AMD1: variants seen among roughly 807,000 people sequenced by gnomAD.
The protein encoded by AMD1 is adenosylmethionine decarboxylase 1.
A neutral mutation model predicts 40.2 loss-of-function variants in AMD1; 11 were observed. The observed-to-expected ratio is 0.27, with a 90% confidence interval of 0.17 to 0.45. AMD1 has a LOEUF of 0.45. Among genes scored for constraint, AMD1 ranks in the 20% least tolerant of loss-of-function variants. AMD1 has a pLI of 1.00. For synonymous variants in AMD1, 121 were observed against 130.8 expected (o/e 0.93, Z 0.51); for missense variants, 257 against 410.2 (o/e 0.63, Z 3.23).
chr6:110,886,467 G>A (rs948966824), intron 1 of AMD1, among the ~76,000 whole-genome samples: 9 of 152,004 alleles, frequency 5.9e-5, no homozygotes, highest in South Asian at 2.1e-4. Context: ...CACCACGCCC[G>A]GCTAATTTTT....
At chr6:110,868,804 C>T in the AMD1 span, among the ~76,000 whole-genome samples, 1 of 151,988 alleles carries the variant, frequency 6.6e-6, no homozygotes, top group Non-Finnish European at 1.5e-5. Context: ...ACCTGTAATC[C>T]CAGCACTTTG....
the AMD1 span, among the ~76,000 whole-genome samples, chr6:110,865,360 CAAAA>C: frequency 6.6e-6 from 1 of 152,162 alleles, no homozygotes; most frequent in Non-Finnish European, 1.5e-5. Context: ...ACATTTGTAG[CAAAA>C]GGGACATGGA....
At chr6:110,879,497 A>G (rs974709493) in intron 1 of AMD1, among the ~76,000 whole-genome samples, 1 of 152,226 alleles carries the variant, frequency 6.6e-6, no homozygotes, top group Non-Finnish European at 1.5e-5. Context: ...TAATAGGTTC[A>G]TATCTTTGAA....
the AMD1 span, among the ~76,000 whole-genome samples, chr6:110,867,427 G>A: frequency 6.6e-6 from 1 of 152,138 alleles, no homozygotes; most frequent in Non-Finnish European, 1.5e-5. Context: ...CACTTTGGGA[G>A]GCTGAGAGGG....
chr6:110,820,445 A>G, the AMD1 span, among the ~76,000 whole-genome samples: 3 of 151,874 alleles, frequency 2.0e-5, no homozygotes, highest in Non-Finnish European at 4.4e-5. Flanking sequence ...CATGTTCATC[A>G]GGCTGGTCTC....
At chr6:110,824,752 C>A in the AMD1 span, among the ~76,000 whole-genome samples, 1 of 151,930 alleles carries the variant, frequency 6.6e-6, no homozygotes, top group Non-Finnish European at 1.5e-5. Flanking sequence ...AAGGTAAGGG[C>A]AAAGGGCTTG....
the AMD1 span, chr6:110,858,364 C>T: frequency 3.4e-4 from 275 of 814,574 alleles, no homozygotes; most frequent in Non-Finnish European, 5.2e-4. Flanking sequence ...AGGGACTCAC[C>T]AGCCTCTCCA....
At chr6:110,845,086 C>CTGGA in the AMD1 span, among the ~76,000 whole-genome samples, 1 of 144,148 alleles carries the variant, frequency 6.9e-6, no homozygotes, top group Non-Finnish European at 1.5e-5. Context: ...GTCGCCCAGG[C>CTGGA]TGGAGTGCAA....
At chr6:110,862,266 A>G in the AMD1 span, among the ~76,000 whole-genome samples, 8 of 148,156 alleles carry the variant, frequency 5.4e-5, no homozygotes, top group East Asian at 1.6e-3. Flanking sequence ...TTAATTTCCT[A>G]GCATTCTTTT....
the AMD1 span, among the ~76,000 whole-genome samples, chr6:110,864,720 G>A: frequency 8.5e-5 from 13 of 152,314 alleles, no homozygotes; most frequent in African/African-American, 3.1e-4. Flanking sequence ...GAAAGACTAG[G>A]GAAGTGTTGG....
At chr6:110,842,214 A>G in the AMD1 span, among the ~76,000 whole-genome samples, 1 of 152,204 alleles carries the variant, frequency 6.6e-6, no homozygotes, top group Non-Finnish European at 1.5e-5. Context: ...TCTGGTGAGC[A>G]GCAGTACTAA....
the AMD1 span, among the ~76,000 whole-genome samples, chr6:110,833,496 G>C: frequency 6.6e-5 from 10 of 152,196 alleles, no homozygotes; most frequent in Non-Finnish European, 1.3e-4. Context: ...TCTGGAGAAA[G>C]AATTGCAATG....
intron 1 of AMD1, among the ~76,000 whole-genome samples, chr6:110,884,742 G>A (rs1047210724): frequency 3.9e-5 from 6 of 152,090 alleles, no homozygotes; most frequent in African/African-American, 1.4e-4. Context: ...ACAAAAATAA[G>A]AAAGGAAAAG....
intron 6 of AMD1, 35 bp downstream of exon 6, chr6:110,892,478 T>C: frequency 6.2e-6 from 10 of 1,606,100 alleles, no homozygotes; most frequent in Non-Finnish European, 8.5e-6. Flanking sequence ...TGCTGGACTC[T>C]TCTGCGTGGG....
At chr6:110,877,923 G>T (rs985903714) in intron 1 of AMD1, among the ~76,000 whole-genome samples, 1 of 152,118 alleles carries the variant, frequency 6.6e-6, no homozygotes, top group African/African-American at 2.4e-5. Context: ...AGAATGAAAG[G>T]CTTAAATGTC....
chr6:110,860,077 T>G, the AMD1 span, among the ~76,000 whole-genome samples: 3 of 152,178 alleles, frequency 2.0e-5, no homozygotes, highest in Non-Finnish European at 4.4e-5. Flanking sequence ...TCCGCCCACC[T>G]TGGCCTCCCC....
chr6:110,854,261 G>T, the AMD1 span, among the ~76,000 whole-genome samples: 19 of 152,240 alleles, frequency 1.2e-4, no homozygotes, highest in African/African-American at 4.3e-4. Context: ...AAAGACCTGT[G>T]TTGGGAAATG....
chr6:110,890,548 T>A (rs1220919502), intron 4 of AMD1, among the ~76,000 whole-genome samples, 192 bp downstream of exon 4: 1 of 152,172 alleles, frequency 6.6e-6, no homozygotes, highest in Non-Finnish European at 1.5e-5. Flanking sequence ...TGCAGTGGTG[T>A]GATCACAGCT....
the AMD1 span, chr6:110,815,457 T>G: frequency 1.4e-5 from 3 of 211,972 alleles, no homozygotes; most frequent in Non-Finnish European, 2.8e-5. Flanking sequence ...TCGAGCTCAT[T>G]AGCGAACTCA....
Sources: gnomAD v4.1 joint callset for allele counts (sites outside exome capture counted in the v4.1 genomes callset) on GRCh38, gnomAD v4.1.1 for gene constraint, MANE v1.5 for transcripts, NCBI Gene and HGNC (gene_info 2026-07-23, HGNC 2026-07-21) for gene names.